LENG8: variants seen among roughly 807,000 people sequenced by gnomAD.
LENG8 encodes leukocyte receptor cluster member 8, also known as leukocyte receptor cluster (LRC) member 8.
LENG8 carries 28 observed loss-of-function variants against 102.1 expected under a neutral mutation model. The ratio of observed to expected loss-of-function variants is 0.27; its 90% confidence interval spans 0.20 to 0.38. The LOEUF is 0.38. Among genes scored for constraint, LENG8 ranks in the 10% least tolerant of loss-of-function variants. The pLI is 1.00. For synonymous variants in LENG8, 531 were observed against 456.7 expected (o/e 1.16, Z -2.07); for missense variants, 1,022 against 1,113.9 (o/e 0.92, Z 1.17).
chr19:54,456,665 G>A lies in LENG8; in HGVS notation c.1475G>A (p.Arg492Gln), dbSNP rs1485966821. The A allele has an allele frequency of 4.3e-6, 7 of 1,612,908 alleles. No homozygotes were observed. Among genetic ancestry groups the A allele is most frequent in the East Asian group, 2.2e-5 (1 of 44,834 alleles). ...RHDLAPTKRS[R>Q]KKMAALECED... ...GATCTGGCGCCCACCAAGCGCAGTCGAAAGAAGATGGCGGCGCTGGAGTGT... is the reference window on the plus strand; with the variant it reads ...GATCTGGCGCCCACCAAGCGCAGTCAAAAGAAGATGGCGGCGCTGGAGTGT... Residue 492 changes from arginine to glutamine, a missense_variant, in exon 11 of 16, where the codon CGA becomes CAA. Physicochemically the swap from Arg to Gln is conservative, Grantham distance 43 (BLOSUM62 1). Coordinates refer to ENST00000326764, the MANE Select transcript of LENG8 (RefSeq NM_052925.4).
At chr19:54,460,346 G>A in intron 15 of LENG8, 1 of 1,206,880 alleles carries the variant, frequency 8.3e-7, no homozygotes, top group African/African-American at 1.6e-5. Flanking sequence ...TGGCACCCCT[G>A]CGCCTGGCTT....
Position 54,452,271 on chromosome 19 carries a change from A to G in LENG8, c.213+4A>G, listed in dbSNP as rs1367286206. 1 of 1,601,118 alleles carries G rather than the reference A, an allele frequency of 6.2e-7. No homozygotes were observed. The highest frequency in any genetic ancestry group is 1.7e-5 in the Admixed American group (1 of 59,334). On this transcript the variant is annotated splice_donor_region_variant and intron_variant, in intron 3 of 15. Coordinates refer to ENST00000326764, the MANE Select transcript of LENG8 (RefSeq NM_052925.4). ...TGGGCCTGTGGCCAGTGCACAGGTG[A>G]GAAGGCCTCATGGGGCTGGGGTACC...
intron 15 of LENG8, chr19:54,458,822 A>G (rs1008217516): frequency 6.5e-7 from 1 of 1,549,840 alleles, no homozygotes; most frequent in African/African-American, 1.4e-5. Context: ...TCCTGCCTGG[A>G]CCCCCTAGTT....
intron 15 of LENG8, chr19:54,459,252 G>GC (rs2084410552): frequency 1.9e-6 from 2 of 1,043,160 alleles, no homozygotes; most frequent in South Asian, 7.9e-5. Context: ...ATGCTGCCCT[G>GC]CCACTGCCAT....
At chr19:54,454,386 C>T (rs748249982) in intron 5 of LENG8, 44 bp from the exon 6 acceptor site, 1 of 1,546,186 alleles carries the variant, frequency 6.5e-7, no homozygotes, top group East Asian at 2.3e-5. Flanking sequence ...ACTCGCCAGC[C>T]CCAGAATCTG....
chr19:54,458,681 A>G (rs1442568811), intron 15 of LENG8, 160 bp downstream of exon 15: 3 of 1,550,410 alleles, frequency 1.9e-6, no homozygotes, highest in South Asian at 1.2e-5. Flanking sequence ...TCCCCTCTCC[A>G]GTTCCTCTTG....
chr19:54,457,706 C>G, intron 11 of LENG8, 41 bp from the exon 12 acceptor site: 1 of 1,438,506 alleles, frequency 7.0e-7, no homozygotes, highest in Non-Finnish European at 9.8e-7. Context: ...GCCACGCTAC[C>G]TGAGTTGTAC....
chr19:54,453,503 G>A, intron 4 of LENG8, 43 bp from the exon 5 acceptor site: 3 of 1,362,498 alleles, frequency 2.2e-6, no homozygotes, highest in South Asian at 2.3e-5. Flanking sequence ...GAAGCGGAAA[G>A]GGTAGGCCTC....
intron 2 of LENG8, 56 bp from the exon 3 acceptor site, chr19:54,452,037 C>G (rs1422889768): frequency 2.6e-6 from 4 of 1,527,144 alleles, no homozygotes; most frequent in Non-Finnish European, 3.6e-6. Context: ...TCCCAACTTG[C>G]CCACCTGTGT....
rs199812836 is a variant in LENG8 at position 54,452,149 on chromosome 19, C to A, written c.95C>A (p.Pro32Gln). 6.2e-7 allele frequency: 1 copy of A among 1,613,962 alleles called. No homozygotes were observed. Among genetic ancestry groups the A allele is most frequent in the Non-Finnish European group, 8.5e-7 (1 of 1,180,006 alleles). ...GAGRENGMET[P>Q]MHENPEWEKA... is the part of the protein sequence containing the mutation. The stretch of plus-strand genomic sequence containing the variant: ...GGCCGAGAGAATGGCATGGAGACGC[C>A]GATGCACGAGAACCCGGAGTGGGAG... Residue 32 changes from proline to glutamine, a missense_variant, in exon 3 of 16, where the codon CCG becomes CAG. Physicochemically the swap from Pro to Gln is moderately conservative, Grantham distance 76. Around this residue, in one of 7 missense-constraint regions of LENG8, gnomAD observed 37 missense variants for 46.3 expected, o/e 0.80. Coordinates refer to ENST00000326764, the MANE Select transcript of LENG8 (RefSeq NM_052925.4).
In LENG8 at chr19:54,461,763, T is replaced by C. The variant is rs372123870; in HGVS notation, c.*835T>C. 13 of 559,094 alleles carry C rather than the reference T, an allele frequency of 2.3e-5. No individual in the cohort carries two copies. The East Asian group carries it at 4.5e-4, about 19-fold the overall frequency. 34.6% of individuals were successfully genotyped at this position (559,094 alleles called of 1,614,324 possible). A position where few individuals can be genotyped will look rare whatever the true frequency, so the allele number is the denominator to read the frequency against. On this transcript the variant is annotated 3_prime_UTR_variant, in exon 16 of 16. Transcript: ENST00000326764. Reference sequence around the variant, plus strand: ...TCTCTTTTCTTTGTGTGTGTGTTTATTTAAGTTATTTTTCTTCCTCCTCTC... The same window carrying C: ...TCTCTTTTCTTTGTGTGTGTGTTTACTTAAGTTATTTTTCTTCCTCCTCTC...
chr19:54,456,820 G>C lies in LENG8; in HGVS notation c.1630G>C (p.Asp544His). 1 of 1,611,292 alleles carries C rather than the reference G, an allele frequency of 6.2e-7. No individual in the cohort carries two copies. The highest frequency in any genetic ancestry group is 8.5e-7 in the Non-Finnish European group (1 of 1,179,724). Reference sequence around the variant, plus strand: ...CCTGGAGAGCAGTGGGGCTGACCCTGACTGGCAGGAGCTGCAGATCGTGGG... The same window carrying C: ...CCTGGAGAGCAGTGGGGCTGACCCTCACTGGCAGGAGCTGCAGATCGTGGG... Reference protein sequence around the residue: ...SSLESSGADPDWQELQIVGTC... With the variant: ...SSLESSGADPHWQELQIVGTC... Residue 544 changes from aspartate to histidine, a missense_variant, in exon 11 of 16, where the codon GAC becomes CAC. Physicochemically the swap from Asp to His is moderately conservative, Grantham distance 81 (BLOSUM62 -1). Transcript: ENST00000326764.
rs140516944 is a variant in LENG8 at position 54,454,329 on chromosome 19, T to A, written c.427-101T>A. On this transcript the variant is annotated intron_variant, in intron 5 of 15. Transcript: ENST00000326764. ...TTGGGAAGGTCACGGGAGGGTTGAG[T>A]GCTGAGTGCTGTGACCACTGCGTCC... The A allele has an allele frequency of 5.8e-4, 704 of 1,209,642 alleles. 3 individuals are homozygous for A. In the African/African-American group the frequency reaches 9.8e-3, roughly 17 times the overall value. 74.9% of individuals were successfully genotyped at this position (1,209,642 alleles called of 1,614,324 possible). A position where few individuals can be genotyped will look rare whatever the true frequency, so the allele number is the denominator to read the frequency against.
intron 4 of LENG8, 35 bp downstream of exon 4, chr19:54,452,787 G>A: frequency 6.7e-7 from 1 of 1,499,184 alleles, no homozygotes; most frequent in South Asian, 1.1e-5. Context: ...GGCAGGGCGA[G>A]GTGGAGTCTG....
In LENG8 at chr19:54,455,259, A is replaced by G. The variant is rs76628909; in HGVS notation, c.822-105A>G. The stretch of plus-strand genomic sequence containing the variant: ...GTGAGCACTGAAGGAGACAGAAGGA[A>G]AACTTGGGGACTGCGTCCCGCTGTG... On this transcript the variant is annotated intron_variant, in intron 7 of 15. Transcript: ENST00000326764. 2.2e-3 allele frequency: 3,305 copies of G among 1,506,664 alleles called. 46 individuals are homozygous for G. In the African/African-American group the frequency reaches 0.035, roughly 16 times the overall value. 93.3% of individuals were successfully genotyped at this position (1,506,664 alleles called of 1,614,324 possible).
In LENG8 at chr19:54,458,009, T is replaced by C. The variant is rs2084340820; in HGVS notation, c.1902+7T>C. On this transcript the variant is annotated splice_region_variant and intron_variant, in intron 13 of 15. Coordinates refer to ENST00000326764, the MANE Select transcript of LENG8 (RefSeq NM_052925.4). Reference sequence around the variant, plus strand: ...CCGGATCGCCTTGGAGAAGGTGAGCTGGCCTCTGCGGGCCTCCCCAGCCCC... The same window carrying C: ...CCGGATCGCCTTGGAGAAGGTGAGCCGGCCTCTGCGGGCCTCCCCAGCCCC... 6.2e-7 allele frequency: 1 copy of C among 1,613,480 alleles called. No homozygotes were observed. The highest frequency in any genetic ancestry group is 8.5e-7 in the Non-Finnish European group (1 of 1,180,038).
At chr19:54,459,803 G>A in intron 15 of LENG8, 1 of 1,151,340 alleles carries the variant, frequency 8.7e-7, no homozygotes, top group Non-Finnish European at 1.1e-6. Flanking sequence ...GGGGTGCCGT[G>A]CACAGAGCTC....
At position 54,456,688 on chromosome 19, in the gene LENG8, T is replaced by C. The variant is rs1268627232; in HGVS notation, c.1498T>C (p.Cys500Arg). 1.2e-6 allele frequency: 2 copies of C among 1,612,022 alleles called. No homozygotes were observed. The highest frequency in any genetic ancestry group is 1.1e-5 in the South Asian group (1 of 90,922). ...TCGAAAGAAGATGGCGGCGCTGGAG[T>C]GTGAGGACCCGGAGCGAGAGCTGAA... is the stretch of plus-strand genomic sequence containing the variant. ...RSRKKMAALE[C>R]EDPERELKKQ... The change falls in exon 11 of 16, where the codon TGT becomes CGT. Residue 500 changes from cysteine to arginine, a missense_variant. Transcript: ENST00000326764.
intron 8 of LENG8, 110 bp from the exon 9 acceptor site, chr19:54,455,857 G>C: frequency 8.3e-7 from 1 of 1,210,406 alleles, no homozygotes; most frequent in Non-Finnish European, 1.1e-6. Flanking sequence ...AGCCGCCTGG[G>C]GTAAGTGCCT....
Sources: allele counts gnomAD v4.1 joint callset, GRCh38; gene constraint gnomAD v4.1.1; regional missense constraint gnomAD v4.1.1; transcripts MANE v1.5; gene names NCBI Gene and HGNC (gene_info 2026-07-23, HGNC 2026-07-21).